JAK1: variants seen among roughly 807,000 people sequenced by gnomAD.
JAK1 encodes tyrosine-protein kinase JAK1.
Under a neutral mutation model 136.6 loss-of-function variants are expected in JAK1, and 16 were observed. The ratio of observed to expected loss-of-function variants is 0.12; its 90% confidence interval spans 0.08 to 0.18. The LOEUF (loss-of-function observed/expected upper bound fraction) is 0.18. Among genes scored for constraint, JAK1 ranks in the 10% least tolerant of loss-of-function variants. JAK1 has a pLI of 1.00. For synonymous variants in JAK1, 492 were observed against 519.5 expected (o/e 0.95, Z 0.72); for missense variants, 859 against 1,450.1 (o/e 0.59, Z 6.62).
chr1:64,884,620 C>T (rs1400660840), intron 2 of JAK1, among the ~76,000 whole-genome samples: 1 of 152,174 alleles, frequency 6.6e-6, no homozygotes, highest in Non-Finnish European at 1.5e-5. Flanking sequence ...GTATCCTCCC[C>T]TACCCAATGC....
chr1:64,891,831 C>A (rs1455547171), intron 1 of JAK1, among the ~76,000 whole-genome samples: 1 of 152,342 alleles, frequency 6.6e-6, no homozygotes, highest in African/African-American at 2.4e-5. Flanking sequence ...CCACTCCTGC[C>A]ACACAGAATA....
chr1:65,018,081 G>C (rs1473259097), intron 2 of JAK1, among the ~76,000 whole-genome samples: 1 of 152,108 alleles, frequency 6.6e-6, no homozygotes, highest in East Asian at 1.9e-4. Flanking sequence ...AAAGTGCTGG[G>C]ATTACAGGTG....
intron 1 of JAK1, among the ~76,000 whole-genome samples, chr1:65,049,025 G>A (rs528284942): frequency 2.0e-5 from 3 of 152,160 alleles, no homozygotes; most frequent in South Asian, 4.1e-4. Flanking sequence ...TCTAGAATTG[G>A]AAGTCCCTCA....
chr1:64,866,756 T>G (rs554648480), intron 7 of JAK1, 110 bp downstream of exon 7: 159 of 749,802 alleles, frequency 2.1e-4, no homozygotes, highest in Non-Finnish European at 3.4e-4. Flanking sequence ...CTAAATAAAC[T>G]CAGCCTATGG....
intron 1 of JAK1, among the ~76,000 whole-genome samples, chr1:64,931,958 G>C (rs560424725): frequency 1.3e-5 from 2 of 151,242 alleles, no homozygotes; most frequent in African/African-American, 2.4e-5. Context: ...AAAAAAGGAG[G>C]GGGGGGGATA....
intron 1 of JAK1, among the ~76,000 whole-genome samples, chr1:64,890,156 A>G (rs188971931): frequency 1.3e-5 from 2 of 152,300 alleles, no homozygotes; most frequent in Non-Finnish European, 2.9e-5. Context: ...AAGACTAAAA[A>G]TCTTAAGCCT....
intron 1 of JAK1, among the ~76,000 whole-genome samples, chr1:64,887,773 C>T (rs375675181): frequency 2.6e-4 from 40 of 152,288 alleles, no homozygotes; most frequent in Admixed American, 1.8e-3. Context: ...GAAGCCAAAA[C>T]GGAGATAGCA....
intron 2 of JAK1, chr1:64,973,169 A>AAAAG (rs1222067289): frequency 6.9e-6 from 1 of 144,220 alleles, no homozygotes; most frequent in Non-Finnish European, 1.5e-5. Context: ...GAAAGGAAGA[A>AAAAG]AAAGAAAGAA....
intron 2 of JAK1, among the ~76,000 whole-genome samples, chr1:65,037,475 TA>T (rs1462882153): frequency 6.6e-6 from 1 of 152,138 alleles, no homozygotes; most frequent in Non-Finnish European, 1.5e-5. Context: ...TGAGAGCTCT[TA>T]AAAATCCCCT....
rs952498769 is a variant in JAK1 at position 64,834,009 on chromosome 1, G to T, written c.*553C>A. The T allele has an allele frequency of 4.3e-6, 1 of 232,804 alleles. No individual in the cohort carries two copies. The highest frequency in any genetic ancestry group is 8.5e-6 in the Non-Finnish European group (1 of 117,852). 14.4% of individuals were successfully genotyped at this position (232,804 alleles called of 1,614,324 possible). The stretch of plus-strand genomic sequence containing the variant: ...CAAAGTTTAAGTCCTACTGGTGAGA[G>T]AATACAGTCATTTTTGTACAGAAAC... On this transcript the variant is annotated 3_prime_UTR_variant, in exon 25 of 25. Transcript: ENST00000342505.
chr1:65,036,281 A>C (rs756586901), intron 2 of JAK1, among the ~76,000 whole-genome samples: 1 of 152,136 alleles, frequency 6.6e-6, no homozygotes, highest in Non-Finnish European at 1.5e-5. Flanking sequence ...AAAAAAGTTT[A>C]AAACTTACCC....
chr1:64,852,627 C>A (rs528593952), intron 11 of JAK1, among the ~76,000 whole-genome samples: 1 of 152,194 alleles, frequency 6.6e-6, no homozygotes, highest in Non-Finnish European at 1.5e-5. Context: ...CGGATGGAAC[C>A]GAAGCCATTT....
At chr1:64,910,787 TGAGTC>T (rs1645270987) in intron 1 of JAK1, among the ~76,000 whole-genome samples, 1 of 146,622 alleles carries the variant, frequency 6.8e-6, no homozygotes, top group South Asian at 2.1e-4. Flanking sequence ...GAGGTTGCAC[TGAGTC>T]GAGATTGCGC....
intron 4 of JAK1, among the ~76,000 whole-genome samples, chr1:64,878,710 T>G (rs1644721585): frequency 6.6e-6 from 1 of 151,718 alleles, no homozygotes; most frequent in African/African-American, 2.4e-5. Context: ...TTCATAACTG[T>G]GAATCCACTA....
rs565327666 is a variant in JAK1, at chr1:64,878,401, C to A, written c.329+624G>T. Reference sequence around the variant, plus strand: ...CATCAGAAGAAAAATTACAGCTCCACAGCCAAAAATCCTCAAGGAGTAGTC... The same window carrying A: ...CATCAGAAGAAAAATTACAGCTCCAAAGCCAAAAATCCTCAAGGAGTAGTC... On this transcript the variant is annotated intron_variant, in intron 4 of 24. Transcript: ENST00000342505. Among the ~76,000 whole-genome samples the A allele has an allele frequency of 2.0e-5, 3 of 152,148 alleles. No individual in the cohort carries two copies. The East Asian group carries it at 5.8e-4, about 29-fold the overall frequency.
At chr1:65,014,777 C>T (rs1264186997) in intron 2 of JAK1, among the ~76,000 whole-genome samples, 3 of 151,796 alleles carry the variant, frequency 2.0e-5, no homozygotes, top group East Asian at 3.9e-4. Context: ...CTCTGCCTCC[C>T]GGGTTCACGC....
chr1:64,905,471 A>G (rs1645175704), intron 1 of JAK1, among the ~76,000 whole-genome samples: 1 of 152,250 alleles, frequency 6.6e-6, no homozygotes, highest in South Asian at 2.1e-4. Flanking sequence ...GTAATAGCTC[A>G]TGGATCCTAC....
At chr1:64,906,291 T>A (rs2100232942) in intron 1 of JAK1, among the ~76,000 whole-genome samples, 2 of 143,292 alleles carry the variant, frequency 1.4e-5, no homozygotes, top group African/African-American at 5.2e-5. Context: ...CAAAACTCCA[T>A]CTCAAAAAAG....
chr1:64,924,825 C>T (rs1179762617), intron 1 of JAK1, among the ~76,000 whole-genome samples: 1 of 152,110 alleles, frequency 6.6e-6, no homozygotes, highest in Non-Finnish European at 1.5e-5. Flanking sequence ...ACCAGGACAG[C>T]AAATACACAT....
Sources: allele counts gnomAD v4.1 joint callset (sites outside exome capture counted in the v4.1 genomes callset), GRCh38; gene constraint gnomAD v4.1.1; transcripts MANE v1.5; gene names NCBI Gene and HGNC (gene_info 2026-07-23, HGNC 2026-07-21).